PPP1R3G: variants seen among roughly 807,000 people sequenced by gnomAD.
PPP1R3G encodes protein phosphatase 1, regulatory (inhibitor) subunit 3G.
In PPP1R3G, 3 loss-of-function variants were observed where a neutral mutation model predicts 2.0. That is an observed-to-expected ratio of 1.47 (90% CI 0.67 to 3.81). PPP1R3G has a LOEUF of 3.81. Ranked by LOEUF, PPP1R3G falls within the 30% of genes most tolerant of loss-of-function variation. The pLI, the probability that PPP1R3G is intolerant of heterozygous loss-of-function variation, is 0.02. For missense variants in PPP1R3G, 595 were observed against 517.0 expected (o/e 1.15, Z -1.46); for synonymous variants, 267 against 250.9 (o/e 1.06, Z -0.61).
Position 5,085,642 on chromosome 6 carries a change from C to T in PPP1R3G, c.157C>T (p.Gln53Ter), listed in dbSNP as rs1429412653. The change falls in exon 1 of 1, where the codon CAG (glutamine) becomes TAG (stop). Residue 53 changes from glutamine to a stop codon, truncating the protein, a stop_gained. Transcript: ENST00000405617. LOFTEE classifies it low-confidence loss of function (END_TRUNC). ...GASETPSPDA[Q>*]LGDRPLSPKE... Reference sequence around the variant, plus strand: ...TTCGGAGACCCCGAGTCCTGACGCTCAGCTAGGGGATAGGCCCCTGTCCCC... The same window carrying T: ...TTCGGAGACCCCGAGTCCTGACGCTTAGCTAGGGGATAGGCCCCTGTCCCC... The T allele has an allele frequency of 8.4e-6, 13 of 1,548,690 alleles. No individual in the cohort carries two copies. Among genetic ancestry groups the T allele is most frequent in the Admixed American group, 2.0e-5 (1 of 50,978 alleles).
chr6:5,085,905 A>C lies in PPP1R3G; in HGVS notation c.420A>C (p.Leu140=). The C allele has an allele frequency of 6.5e-7, 1 of 1,531,148 alleles. No homozygotes were observed. 94.8% of individuals were successfully genotyped at this position (1,531,148 alleles called of 1,614,324 possible). A position where few individuals can be genotyped will look rare whatever the true frequency, so the allele number is the denominator to read the frequency against. ...KRVQFADTLG[L]SLASVKHFSE... ...TGCAGTTCGCGGACACGCTGGGGCT[A>C]AGCCTGGCCAGCGTGAAGCACTTCA... Residue 140 remains leucine, a synonymous_variant, in exon 1 of 1, where the codon CTA becomes CTC. Coordinates refer to ENST00000405617, the MANE Select transcript of PPP1R3G (RefSeq NM_001145115.3).
In PPP1R3G at chr6:5,085,568, C is replaced by T. The variant is rs1357066419; in HGVS notation, c.83C>T (p.Pro28Leu). The change falls in exon 1 of 1, where the codon CCC becomes CTC. Residue 28 changes from proline (P) to leucine (L), a missense_variant. Pro to Leu is a moderately conservative substitution (Grantham distance 98, BLOSUM62 -3). Coordinates refer to ENST00000405617, the MANE Select transcript of PPP1R3G (RefSeq NM_001145115.3). ...FREAPPAEEL[P>L]APVVPCVQGG... ...GAGGCCCCGCCGGCCGAGGAGCTGCCCGCCCCGGTGGTCCCCTGTGTGCAG... is the reference window on the plus strand; with the variant it reads ...GAGGCCCCGCCGGCCGAGGAGCTGCTCGCCCCGGTGGTCCCCTGTGTGCAG... The T allele has an allele frequency of 1.9e-6, 3 of 1,543,162 alleles. No individual in the cohort carries two copies. Among genetic ancestry groups the T allele is most frequent in the African/African-American group, 1.4e-5 (1 of 72,878 alleles).
In PPP1R3G at chr6:5,085,696, G is replaced by C; in HGVS notation, c.211G>C (p.Glu71Gln). 2 of 1,547,932 alleles carry C rather than the reference G, an allele frequency of 1.3e-6. No individual in the cohort carries two copies. Among genetic ancestry groups the C allele is most frequent in the Non-Finnish European group, 1.7e-6 (2 of 1,146,198 alleles). The change falls in exon 1 of 1, where the codon GAG (glutamate) becomes CAG (glutamine). Residue 71 changes from glutamate to glutamine, a missense_variant. Coordinates refer to ENST00000405617, the MANE Select transcript of PPP1R3G (RefSeq NM_001145115.3). ...PKEEAAPQEQEELLECRRRCR... is the reference protein window; with the variant it reads ...PKEEAAPQEQQELLECRRRCR... ...GGAAGAGGCCGCCCCCCAGGAGCAG[G>C]AGGAGCTGCTGGAATGCCGCCGCCG...
In PPP1R3G at chr6:5,086,440, G is replaced by T; in HGVS notation, c.955G>T (p.Asp319Tyr). ...GCAGCCTGAGGACGAAGAGGACGCC[G>T]ACGAGCGCGGCGTCGCGGTCCACTT... Reference protein sequence around the residue: ...GLQPEDEEDADERGVAVHFAV... With the variant: ...GLQPEDEEDAYERGVAVHFAV... The change falls in exon 1 of 1, where the codon GAC becomes TAC. Residue 319 changes from aspartate to tyrosine, a missense_variant. By Grantham distance (160) the Asp-to-Tyr change is radical (BLOSUM62 -3). Transcript: ENST00000405617. 1.3e-6 allele frequency: 2 copies of T among 1,536,602 alleles called. No individual in the cohort carries two copies. Among genetic ancestry groups the T allele is most frequent in the South Asian group, 2.4e-5 (2 of 84,042 alleles).
At position 5,086,552 on chromosome 6, in the gene PPP1R3G, A is replaced by C. The variant is rs1217827880; in HGVS notation, c.1067A>C (p.Asp356Ala). Residue 356 changes from aspartate (D) to alanine (A), a missense_variant, in exon 1 of 1, where the codon GAC becomes GCC. Physicochemically the swap from Asp to Ala is moderately radical, Grantham distance 126. Coordinates refer to ENST00000405617, the MANE Select transcript of PPP1R3G (RefSeq NM_001145115.3). ...NYTLRYARPA[D>A]AL Reference sequence around the variant, plus strand: ...ACGCTGCGCTACGCGCGCCCTGCGGACGCGCTCTGAGCCTGGAGAGTTTCG... The same window carrying C: ...ACGCTGCGCTACGCGCGCCCTGCGGCCGCGCTCTGAGCCTGGAGAGTTTCG... The C allele has an allele frequency of 3.9e-6, 6 of 1,523,154 alleles. No individual in the cohort carries two copies. Among genetic ancestry groups the C allele is most frequent in the Middle Eastern group, 1.7e-4 (1 of 5,898 alleles). 94.4% of individuals were successfully genotyped at this position (1,523,154 alleles called of 1,614,324 possible). A position where few individuals can be genotyped will look rare whatever the true frequency, so the allele number is the denominator to read the frequency against.
At position 5,085,475 on chromosome 6, in the gene PPP1R3G, C is replaced by G. The variant is rs1248377549; in HGVS notation, c.-11C>G. ...GGTTCGGCCCGAGCAAGTCCAGGGG[C>G]GAACGGCGTCATGGAGCCCATAGGG... On this transcript the variant is annotated 5_prime_UTR_variant, in exon 1 of 1. Transcript: ENST00000405617. 2 of 1,526,850 alleles carry G rather than the reference C, an allele frequency of 1.3e-6. No homozygotes were observed. The allele number at this position is 1,526,850 out of a possible 1,614,324, so 94.6% of individuals were successfully genotyped here.
Position 5,086,233 on chromosome 6 carries a change from G to C in PPP1R3G, c.748G>C (p.Val250Leu), listed in dbSNP as rs1221122601. The C allele has an allele frequency of 1.3e-6, 2 of 1,535,422 alleles. No individual in the cohort carries two copies. The highest frequency in any genetic ancestry group is 1.7e-6 in the Non-Finnish European group (2 of 1,146,678). The change falls in exon 1 of 1, where the codon GTG (valine) becomes CTG (leucine). Residue 250 changes from valine (V) to leucine (L), a missense_variant. Val to Leu is a conservative substitution (Grantham distance 32). Coordinates refer to ENST00000405617, the MANE Select transcript of PPP1R3G (RefSeq NM_001145115.3). ...LSCPGPRAVTVRYTFTEWRSF... is the reference protein window; with the variant it reads ...LSCPGPRAVTLRYTFTEWRSF... Reference sequence around the variant, plus strand: ...CTGCCCTGGGCCCAGGGCCGTGACCGTGCGCTACACCTTTACCGAGTGGCG... The same window carrying C: ...CTGCCCTGGGCCCAGGGCCGTGACCCTGCGCTACACCTTTACCGAGTGGCG...
chr6:5,085,384 A>G lies in PPP1R3G; in HGVS notation c.-102A>G, dbSNP rs953932586. 104 of 843,876 alleles carry G rather than the reference A, an allele frequency of 1.2e-4. No individual in the cohort carries two copies. Among genetic ancestry groups the G allele is most frequent in the Middle Eastern group, 3.6e-4 (1 of 2,768 alleles). The allele number at this position is 843,876 out of a possible 1,614,324, so 52.3% of individuals were successfully genotyped here. On this transcript the variant is annotated 5_prime_UTR_variant, in exon 1 of 1. Transcript: ENST00000405617. ...GGGGCGACTCGCCTCGGGGAGGGCG[A>G]GCCTGAACTGCAGCCCTGCGCTCCT...
Position 5,086,098 on chromosome 6 carries a change from GGGCCGAGCGCCGC to G in PPP1R3G, c.623_635del (p.Ala208ValfsTer22), listed in dbSNP as rs1762003869. Reference sequence around the variant, plus strand: ...GCTCCGGCCGCTCTTCCAGCTCCCGGGGCCGAGCGCCGCGGCCGAGCGTCTGCAGCGGCAGCGC... The same window carrying G: ...GCTCCGGCCGCTCTTCCAGCTCCCGGGGCCGAGCGTCTGCAGCGGCAGCGC... On this transcript the variant is annotated frameshift_variant, in exon 1 of 1. Transcript: ENST00000405617. LOFTEE classifies it low-confidence loss of function (END_TRUNC). 1 of 1,467,898 alleles carries G rather than the reference GGGCCGAGCGCCGC, an allele frequency of 6.8e-7. No individual in the cohort carries two copies. Among genetic ancestry groups the G allele is most frequent in the South Asian group, 1.3e-5 (1 of 74,378 alleles). The allele number at this position is 1,467,898 out of a possible 1,614,324, so 90.9% of individuals were successfully genotyped here.
Position 5,085,963 on chromosome 6 carries a change from G to A in PPP1R3G, c.478G>A (p.Val160Met). ...EAEEPQVPPAVLSRLRSFPMR... is the reference protein window; with the variant it reads ...EAEEPQVPPAMLSRLRSFPMR... ...GGAGGAGCCGCAGGTGCCGCCCGCC[G>A]TGCTCTCGCGCCTCCGAAGCTTCCC... Residue 160 changes from valine (V) to methionine (M), a missense_variant, in exon 1 of 1, where the codon GTG (valine) becomes ATG (methionine). Physicochemically the swap from Val to Met is conservative, Grantham distance 21. Coordinates refer to ENST00000405617, the MANE Select transcript of PPP1R3G (RefSeq NM_001145115.3). The A allele has an allele frequency of 3.3e-6, 5 of 1,527,420 alleles. No individual in the cohort carries two copies. 94.6% of individuals were successfully genotyped at this position (1,527,420 alleles called of 1,614,324 possible). A position where few individuals can be genotyped will look rare whatever the true frequency, so the allele number is the denominator to read the frequency against.
In PPP1R3G at chr6:5,089,411, G is replaced by C. The variant is rs530588086; in HGVS notation, c.*2849G>C. On this transcript the variant is annotated 3_prime_UTR_variant, in exon 1 of 1. Transcript: ENST00000405617. ...ATTGTTTGAAAATGCTTGTTTGTGG[G>C]GCAATAAAGCAACATTTTGAATTGT... is the stretch of plus-strand genomic sequence containing the variant. 2 of 151,954 alleles carry C rather than the reference G, an allele frequency of 1.3e-5. No homozygotes were observed. Among genetic ancestry groups the C allele is most frequent in the Non-Finnish European group, 2.9e-5 (2 of 67,994 alleles). The allele number at this position is 151,954 out of a possible 1,614,324, so 9.4% of individuals were successfully genotyped here.
rs1451641542 is a variant in PPP1R3G at position 5,085,810 on chromosome 6, C to A, written c.325C>A (p.Leu109Met). 6.5e-7 allele frequency: 1 copy of A among 1,528,808 alleles called. No homozygotes were observed. Among genetic ancestry groups the A allele is most frequent in the Non-Finnish European group, 8.8e-7 (1 of 1,141,260 alleles). 94.7% of individuals were successfully genotyped at this position (1,528,808 alleles called of 1,614,324 possible). ...GCAGCAGCAGCAACAGGCGGTGGCACTGGGCGGCGAGGGGGCGGAGGACGC... is the reference window on the plus strand; with the variant it reads ...GCAGCAGCAGCAACAGGCGGTGGCAATGGGCGGCGAGGGGGCGGAGGACGC... The part of the protein sequence containing the change: ...LQQQQQQAVA[L>M]GGEGAEDAQL... The change falls in exon 1 of 1, where the codon CTG becomes ATG. Residue 109 changes from leucine (L) to methionine (M), a missense_variant. Transcript: ENST00000405617.
chr6:5,085,619 C>T lies in PPP1R3G; in HGVS notation c.134C>T (p.Ser45Leu). Residue 45 changes from serine to leucine, a missense_variant, in exon 1 of 1, where the codon TCG becomes TTG. Ser to Leu is a moderately radical substitution (Grantham distance 145). Coordinates refer to ENST00000405617, the MANE Select transcript of PPP1R3G (RefSeq NM_001145115.3). ...VQGGGDGGGASETPSPDAQLG... is the reference protein window; with the variant it reads ...VQGGGDGGGALETPSPDAQLG... ...GGTGGCGGCGACGGCGGTGGCGCTTCGGAGACCCCGAGTCCTGACGCTCAG... is the reference window on the plus strand; with the variant it reads ...GGTGGCGGCGACGGCGGTGGCGCTTTGGAGACCCCGAGTCCTGACGCTCAG... The T allele has an allele frequency of 6.5e-7, 1 of 1,548,126 alleles. No individual in the cohort carries two copies. The highest frequency in any genetic ancestry group is 8.7e-7 in the Non-Finnish European group (1 of 1,146,570).
Position 5,085,684 on chromosome 6 carries a change from C to A in PPP1R3G, c.199C>A (p.Pro67Thr). The A allele has an allele frequency of 6.5e-7, 1 of 1,548,210 alleles. No homozygotes were observed. The highest frequency in any genetic ancestry group is 8.7e-7 in the Non-Finnish European group (1 of 1,146,302). Residue 67 changes from proline to threonine, a missense_variant, in exon 1 of 1, where the codon CCC (proline) becomes ACC (threonine). Coordinates refer to ENST00000405617, the MANE Select transcript of PPP1R3G (RefSeq NM_001145115.3). Reference sequence around the variant, plus strand: ...CCTGTCCCCGAAGGAAGAGGCCGCCCCCCAGGAGCAGGAGGAGCTGCTGGA... The same window carrying A: ...CCTGTCCCCGAAGGAAGAGGCCGCCACCCAGGAGCAGGAGGAGCTGCTGGA... ...RPLSPKEEAA[P>T]QEQEELLECR...
At position 5,085,588 on chromosome 6, in the gene PPP1R3G, G is replaced by T. The variant is rs1242316194; in HGVS notation, c.103G>T (p.Val35Leu). Residue 35 changes from valine (V) to leucine (L), a missense_variant, in exon 1 of 1, where the codon GTG becomes TTG. Transcript: ENST00000405617. ...GCTGCCCGCCCCGGTGGTCCCCTGT[G>T]TGCAGGGTGGCGGCGACGGCGGTGG... The part of the protein sequence containing the change: ...EELPAPVVPC[V>L]QGGGDGGGAS... 3.6e-5 allele frequency: 55 copies of T among 1,545,904 alleles called. No individual in the cohort carries two copies. The highest frequency in any genetic ancestry group is 4.5e-5 in the Non-Finnish European group (52 of 1,146,556).
At position 5,086,269 on chromosome 6, in the gene PPP1R3G, G is replaced by A; in HGVS notation, c.784G>A (p.Asp262Asn). The change falls in exon 1 of 1, where the codon GAC (aspartate) becomes AAC (asparagine). Residue 262 changes from aspartate (D) to asparagine (N), a missense_variant. Asp to Asn is a conservative substitution (Grantham distance 23). Transcript: ENST00000405617. ...CTTTACCGAGTGGCGCTCCTTCCTGGACGTGCCGGCTGAGCTGCAGCCCGA... is the reference window on the plus strand; with the variant it reads ...CTTTACCGAGTGGCGCTCCTTCCTGAACGTGCCGGCTGAGCTGCAGCCCGA... ...YTFTEWRSFLDVPAELQPEPL... is the reference protein window; with the variant it reads ...YTFTEWRSFLNVPAELQPEPL... 6.5e-7 allele frequency: 1 copy of A among 1,535,586 alleles called. No homozygotes were observed. The highest frequency in any genetic ancestry group is 8.7e-7 in the Non-Finnish European group (1 of 1,146,708).
chr6:5,086,016 C>CG lies in PPP1R3G; in HGVS notation c.537dup (p.Leu180AlafsTer53), dbSNP rs1561788047. 8 of 1,499,536 alleles carry CG rather than the reference C, an allele frequency of 5.3e-6. No individual in the cohort carries two copies. The highest frequency in any genetic ancestry group is 2.1e-5 in the Admixed American group (1 of 46,812). The allele number at this position is 1,499,536 out of a possible 1,614,324, so 92.9% of individuals were successfully genotyped here. On this transcript the variant is annotated frameshift_variant, in exon 1 of 1. Coordinates refer to ENST00000405617, the MANE Select transcript of PPP1R3G (RefSeq NM_001145115.3). LOFTEE classifies it low-confidence loss of function (END_TRUNC). ...TGCGTGCCGAGGACCTGGAGCAGCT[C>CG]GGGGGGCTGCTGGCCGCGGCGGCAG...
Position 5,085,375 on chromosome 6 carries a change from G to A in PPP1R3G, c.-111G>A. ...GTCGAGCCTGGGGCGACTCGCCTCG[G>A]GGAGGGCGAGCCTGAACTGCAGCCC... On this transcript the variant is annotated 5_prime_UTR_variant, in exon 1 of 1. Transcript: ENST00000405617. 1 of 770,032 alleles carries A rather than the reference G, an allele frequency of 1.3e-6. No homozygotes were observed. Among genetic ancestry groups the A allele is most frequent in the South Asian group, 1.9e-5 (1 of 53,394 alleles). 47.7% of individuals were successfully genotyped at this position (770,032 alleles called of 1,614,324 possible).
In PPP1R3G at chr6:5,087,020, A is replaced by C. The variant is rs1762054904; in HGVS notation, c.*458A>C. ...AAAGCGTCCTGCCACGGTGCACCAG[A>C]GGAAGGTGCCACGGACTGTGGGTGC... On this transcript the variant is annotated 3_prime_UTR_variant, in exon 1 of 1. Transcript: ENST00000405617. 1 of 160,386 alleles carries C rather than the reference A, an allele frequency of 6.2e-6. No homozygotes were observed. The highest frequency in any genetic ancestry group is 6.1e-5 in the Admixed American group (1 of 16,418). 9.9% of individuals were successfully genotyped at this position (160,386 alleles called of 1,614,324 possible).
Sources: allele counts gnomAD v4.1 joint callset, GRCh38; gene constraint gnomAD v4.1.1; transcripts MANE v1.5; gene names NCBI Gene and HGNC (gene_info 2026-07-23, HGNC 2026-07-21).